The following IRAG1 variants were observed in gnomAD, a reference collection of about 807,000 sequenced individuals.
The protein encoded by IRAG1 is inositol 1,4,5-triphosphate receptor associated 1, also known as IP3R-associated cGMP kinase substrate.
In IRAG1, 62 loss-of-function variants were observed where a neutral mutation model predicts 106.2. The observed-to-expected ratio is 0.58, with a 90% CI of 0.48 to 0.72. IRAG1 has a LOEUF of 0.72. Among genes scored for constraint, IRAG1 ranks in the 30% least tolerant of loss-of-function variants. The pLI, the probability that IRAG1 is intolerant of heterozygous loss-of-function variation, is 0.00. For missense variants in IRAG1, 1,064 were observed against 1,140.7 expected (o/e 0.93, Z 0.97); for synonymous variants, 462 against 443.9 (o/e 1.04, Z -0.51).
intron 1 of IRAG1, among the ~76,000 whole-genome samples, chr11:10,653,236 C>G (rs1858665894): frequency 6.6e-6 from 1 of 152,198 alleles, no homozygotes; most frequent in Non-Finnish European, 1.5e-5. Flanking sequence ...ATGATACACA[C>G]AGAGGAGGGC....
Position 10,647,238 on chromosome 11 carries a change from T to G in IRAG1, c.225+4787A>C, listed in dbSNP as rs1216646974. Reference sequence around the variant, plus strand: ...CTAAGCATGGGCTTTGGGGTCAGGCTGCCTGGGCCCAGATCCTGGGCCTGC... The same window carrying G: ...CTAAGCATGGGCTTTGGGGTCAGGCGGCCTGGGCCCAGATCCTGGGCCTGC... On this transcript the variant is annotated intron_variant, in intron 2 of 20. Coordinates refer to ENST00000423302, the MANE Select transcript of IRAG1 (RefSeq NM_130385.4). The surrounding 1 kb of genome is among the most constrained non-coding windows in gnomAD (Gnocchi z 4.3). Among the ~76,000 whole-genome samples the G allele has an allele frequency of 2.0e-5, 3 of 152,298 alleles. No homozygotes were observed. The highest frequency in any genetic ancestry group is 1.9e-4 in the East Asian group (1 of 5,154).
intron 1 of IRAG1, among the ~76,000 whole-genome samples, chr11:10,679,911 A>G (rs1861008507): frequency 6.6e-6 from 1 of 152,212 alleles, no homozygotes; most frequent in Non-Finnish European, 1.5e-5. Context: ...GTGAAAGGAT[A>G]TAATGTTTCC....
Position 10,601,013 on chromosome 11 carries a change from T to C in IRAG1, c.1922A>G (p.Glu641Gly). 2 of 1,614,080 alleles carry C rather than the reference T, an allele frequency of 1.2e-6. No homozygotes were observed. The highest frequency in any genetic ancestry group is 8.5e-7 in the Non-Finnish European group (1 of 1,179,898). The change falls in exon 15 of 21, where the codon GAG becomes GGG. Residue 641 changes from glutamate to glycine, a missense_variant. By Grantham distance (98) the Glu-to-Gly change is moderately conservative. Transcript: ENST00000423302. The part of the protein sequence containing the change: ...KATEVMMQYV[E>G]NLKRTYEKDH... Reference sequence around the variant, plus strand: ...CTTCTCATACGTCCTCTTTAGATTCTCCACATACTGCATCATCACTTCCGT... The same window carrying C: ...CTTCTCATACGTCCTCTTTAGATTCCCCACATACTGCATCATCACTTCCGT...
At chr11:10,648,262 G>T (rs1858143074) in intron 2 of IRAG1, among the ~76,000 whole-genome samples, 1 of 152,210 alleles carries the variant, frequency 6.6e-6, no homozygotes, top group Admixed American at 6.5e-5. Flanking sequence ...TATTCGGGAG[G>T]CTGAGGCACA....
chr11:10,667,071 T>C (rs1487931235), intron 1 of IRAG1, among the ~76,000 whole-genome samples: 1 of 152,192 alleles, frequency 6.6e-6, no homozygotes, highest in Non-Finnish European at 1.5e-5. Flanking sequence ...AATGCTATGA[T>C]AGAATGTAGA....
chr11:10,678,607 C>G (rs1209888986), intron 1 of IRAG1, among the ~76,000 whole-genome samples: 1 of 152,206 alleles, frequency 6.6e-6, no homozygotes, highest in Non-Finnish European at 1.5e-5. Flanking sequence ...CACGCCACCA[C>G]AGCGGCCCTC....
At chr11:10,604,685 A>G (rs1854330785) in intron 12 of IRAG1, 140 bp from the exon 13 acceptor site, 7 of 1,023,008 alleles carry the variant, frequency 6.8e-6, no homozygotes, top group Non-Finnish European at 1.0e-5. Flanking sequence ...TGTGCAAGGG[A>G]AACGCTCACT....
chr11:10,680,364 A>AAGGAAG (rs1564942443), intron 1 of IRAG1, among the ~76,000 whole-genome samples: 7 of 48,342 alleles, frequency 1.4e-4, no homozygotes, highest in African/African-American at 7.7e-4. Flanking sequence ...AAAGAAAGAA[A>AAGGAAG]GAAAGAAGGA....
chr11:10,683,654 G>A (rs1040290396), intron 1 of IRAG1, among the ~76,000 whole-genome samples: 1 of 152,146 alleles, frequency 6.6e-6, no homozygotes, highest in Non-Finnish European at 1.5e-5. Flanking sequence ...GACCAGTAGG[G>A]GATGGGAGGA....
At chr11:10,616,314 C>T (rs543112802) in intron 10 of IRAG1, among the ~76,000 whole-genome samples, 2 of 151,560 alleles carry the variant, frequency 1.3e-5, no homozygotes, top group Admixed American at 6.6e-5. Flanking sequence ...AAGAAAAATC[C>T]ACTTTTACAT....
intron 2 of IRAG1, among the ~76,000 whole-genome samples, chr11:10,646,390 C>G (rs1454502841): frequency 6.6e-6 from 1 of 152,238 alleles, no homozygotes; most frequent in African/African-American, 2.4e-5. Flanking sequence ...AGCCCTCCCT[C>G]CATTTCTTCT....
chr11:10,671,710 T>G (rs1050505486), intron 1 of IRAG1, among the ~76,000 whole-genome samples: 4 of 145,074 alleles, frequency 2.8e-5, no homozygotes, highest in Admixed American at 2.1e-4. Flanking sequence ...AGACTCTGTC[T>G]TAAAAACAAC....
intron 7 of IRAG1, 98 bp downstream of exon 7, chr11:10,627,875 C>T: frequency 1.3e-6 from 2 of 1,575,460 alleles, no homozygotes; most frequent in Non-Finnish European, 1.7e-6. Context: ...ACCCAGCACC[C>T]TCATCTCCAG....
intron 2 of IRAG1, among the ~76,000 whole-genome samples, chr11:10,642,532 A>G (rs548291472): frequency 6.6e-6 from 1 of 152,268 alleles, no homozygotes; most frequent in Admixed American, 6.5e-5. Context: ...AGCCCAGGAG[A>G]GGAGGACCCT....
intron 10 of IRAG1, among the ~76,000 whole-genome samples, chr11:10,617,713 A>G (rs1855536958): frequency 6.6e-6 from 1 of 152,108 alleles, no homozygotes; most frequent in Non-Finnish European, 1.5e-5. Context: ...CTCACAATTC[A>G]TCACCCTCAC....
At chr11:10,656,940 G>A (rs1282925967) in intron 1 of IRAG1, among the ~76,000 whole-genome samples, 2 of 152,128 alleles carry the variant, frequency 1.3e-5, no homozygotes, top group African/African-American at 4.8e-5. Context: ...GGAGGCAGAG[G>A]GGAGGAAACA....
chr11:10,603,981 C>T (rs2134344237), intron 13 of IRAG1, among the ~76,000 whole-genome samples: 1 of 152,278 alleles, frequency 6.6e-6, no homozygotes, highest in South Asian at 2.1e-4. Context: ...TACAGCAATT[C>T]AAACTGACTA....
At chr11:10,652,962 C>T (rs934920614) in intron 1 of IRAG1, among the ~76,000 whole-genome samples, 1 of 152,146 alleles carries the variant, frequency 6.6e-6, no homozygotes, top group African/African-American at 2.4e-5. Context: ...CTCCCAGAAG[C>T]CAGGCTATCC....
At chr11:10,595,022 T>C (rs1379300576) in intron 15 of IRAG1, among the ~76,000 whole-genome samples, 1 of 152,196 alleles carries the variant, frequency 6.6e-6, no homozygotes, top group Non-Finnish European at 1.5e-5. Flanking sequence ...GCTCCTGGGT[T>C]CATGTGATTC....
Sources: gnomAD v4.1 joint callset for allele counts (sites outside exome capture counted in the v4.1 genomes callset) on GRCh38, gnomAD v4.1.1 for gene constraint, Gnocchi (gnomAD v3.1) non-coding constraint, MANE v1.5 for transcripts, NCBI Gene and HGNC (gene_info 2026-07-23, HGNC 2026-07-21) for gene names.